Variants in CENPK observed in about 807,000 individuals in gnomAD.
CENPK encodes the protein centromere protein K.
In CENPK, 46 loss-of-function variants were observed where a neutral mutation model predicts 40.9. The observed-to-expected ratio is 1.13, with a 90% CI of 0.89 to 1.44. The LOEUF (loss-of-function observed/expected upper bound fraction) is 1.44, where lower values mean the gene tolerates loss of function less well. CENPK is among the 40% of genes most tolerant of loss of function. The pLI, the probability that CENPK is intolerant of heterozygous loss-of-function variation, is 0.00. For missense variants in CENPK, 288 were observed against 303.5 expected (o/e 0.95, Z 0.38); for synonymous variants, 107 against 104.4 (o/e 1.02, Z -0.15).
chr5:65,553,980 C>T (rs368245559), intron 3 of CENPK, among the ~76,000 whole-genome samples: 5 of 152,312 alleles, frequency 3.3e-5, no homozygotes, highest in African/African-American at 1.2e-4. Flanking sequence ...CTTCTCCAGT[C>T]TTACCCCAGA....
chr5:65,498,167 T>C, the CENPK span, among the ~76,000 whole-genome samples: 1 of 152,034 alleles, frequency 6.6e-6, no homozygotes, highest in African/African-American at 2.4e-5. Flanking sequence ...CTAGAAATAA[T>C]TTACTTTTAA....
chr5:65,562,418 T>TG (rs900358326), intron 1 of CENPK, among the ~76,000 whole-genome samples: 7 of 152,036 alleles, frequency 4.6e-5, no homozygotes, highest in Admixed American at 1.3e-4. Flanking sequence ...GTGCCTACTA[T>TG]GGGGGGGCAG....
chr5:65,538,311 T>C (rs1747329350), intron 6 of CENPK, among the ~76,000 whole-genome samples: 1 of 152,226 alleles, frequency 6.6e-6, no homozygotes, highest in African/African-American at 2.4e-5. Flanking sequence ...GATCCTTGTC[T>C]GGACATTCCT....
intron 4 of CENPK, among the ~76,000 whole-genome samples, 195 bp from the exon 5 acceptor site, chr5:65,551,831 A>G (rs576950664): frequency 5.3e-5 from 8 of 152,264 alleles, no homozygotes; most frequent in African/African-American, 1.9e-4. Flanking sequence ...CAGCAATTCC[A>G]TAATTCTGAT....
intron 6 of CENPK, among the ~76,000 whole-genome samples, chr5:65,540,137 T>C (rs1050076563): frequency 2.6e-5 from 4 of 152,228 alleles, no homozygotes; most frequent in Non-Finnish European, 4.4e-5. Flanking sequence ...ACAGTAGGGA[T>C]AGGCTGACAA....
chr5:65,552,856 AG>A (rs1742250742), intron 3 of CENPK, among the ~76,000 whole-genome samples: 1 of 152,148 alleles, frequency 6.6e-6, no homozygotes, highest in Non-Finnish European at 1.5e-5. Flanking sequence ...TAAGAGGGAA[AG>A]CACTATAGAA....
chr5:65,532,910 C>CAAAAAAAAAAAA (rs60713724), intron 6 of CENPK, among the ~76,000 whole-genome samples: 4 of 37,014 alleles, frequency 1.1e-4, no homozygotes, highest in African/African-American at 2.0e-4. Flanking sequence ...ACTCCATCTC[C>CAAAAAAAAAAAA]AAAAAAAAAA....
Position 65,554,783 on chromosome 5 carries a change from C to A in CENPK, c.111+14G>T. On this transcript the variant is annotated intron_variant, in intron 3 of 10. Coordinates refer to ENST00000396679, the MANE Select transcript of CENPK (RefSeq NM_022145.5). ...ATCTTATATTAACTATCACTTCTAT[C>A]TTTTGAAACTTACTTCTTCCATATC... The A allele has an allele frequency of 7.7e-7, 1 of 1,294,164 alleles. No homozygotes were observed. Among genetic ancestry groups the A allele is most frequent in the Non-Finnish European group, 1.1e-6 (1 of 891,516 alleles). 80.2% of individuals were successfully genotyped at this position (1,294,164 alleles called of 1,614,324 possible).
At chr5:65,498,171 C>CT in the CENPK span, among the ~76,000 whole-genome samples, 1 of 151,932 alleles carries the variant, frequency 6.6e-6, no homozygotes, top group South Asian at 2.1e-4. Context: ...AAATAATTTA[C>CT]TTTTAAAATA....
At chr5:65,519,455 G>T (rs185994782) in intron 10 of CENPK, among the ~76,000 whole-genome samples, 1 of 152,078 alleles carries the variant, frequency 6.6e-6, no homozygotes, top group African/African-American at 2.4e-5. Flanking sequence ...GCTATCTTCC[G>T]GTGCCTTCAC....
chr5:65,545,578 C>T (rs1748788308), intron 5 of CENPK, among the ~76,000 whole-genome samples: 2 of 152,066 alleles, frequency 1.3e-5, no homozygotes, highest in Admixed American at 1.3e-4. Flanking sequence ...AATTTGTCAC[C>T]AGCAGACCAA....
chr5:65,521,557 T>A (rs1415859377), intron 9 of CENPK, 29 bp from the exon 10 acceptor site: 1 of 1,429,862 alleles, frequency 7.0e-7, no homozygotes. Flanking sequence ...TAACAAACAA[T>A]TACCACTTCA....
In CENPK at chr5:65,551,646, A is replaced by G. The variant is rs774636507; in HGVS notation, c.169-10T>C. ...TAATTAACAATGATAGCTACAAAAGAAGAAAACAAAGTCATTTTCTGTGGA... is the reference window on the plus strand; with the variant it reads ...TAATTAACAATGATAGCTACAAAAGGAGAAAACAAAGTCATTTTCTGTGGA... On this transcript the variant is annotated splice_polypyrimidine_tract_variant and intron_variant, in intron 4 of 10. Coordinates refer to ENST00000396679, the MANE Select transcript of CENPK (RefSeq NM_022145.5). The G allele has an allele frequency of 2.7e-6, 4 of 1,468,130 alleles. No individual in the cohort carries two copies. Among genetic ancestry groups the G allele is most frequent in the Non-Finnish European group, 3.8e-6 (4 of 1,065,230 alleles). 90.9% of individuals were successfully genotyped at this position (1,468,130 alleles called of 1,614,324 possible).
At chr5:65,526,928 T>C (rs1035013814) in intron 9 of CENPK, among the ~76,000 whole-genome samples, 4 of 151,972 alleles carry the variant, frequency 2.6e-5, no homozygotes, top group Non-Finnish European at 2.9e-5. Flanking sequence ...CCCTGTCTAC[T>C]AGAAATACAA....
At chr5:65,498,459 AG>A in the CENPK span, among the ~76,000 whole-genome samples, 3 of 151,988 alleles carry the variant, frequency 2.0e-5, no homozygotes, top group Non-Finnish European at 4.4e-5. Flanking sequence ...ACCTTTCCCC[AG>A]TTACAATCGT....
At chr5:65,513,227 A>T (rs1742641009), downstream of CENPK, among the ~76,000 whole-genome samples, 1 of 152,208 alleles carries the variant, frequency 6.6e-6, no homozygotes, top group Admixed American at 6.5e-5. Flanking sequence ...GTAGCTAAAA[A>T]GTCATCGCCA....
At chr5:65,531,029 T>C (rs1304699904) in intron 6 of CENPK, among the ~76,000 whole-genome samples, 1 of 152,112 alleles carries the variant, frequency 6.6e-6, no homozygotes, top group African/African-American at 2.4e-5. Context: ...TGGTGACTCA[T>C]TCCTGTAATT....
chr5:65,554,559 G>A (rs1750674268), intron 3 of CENPK, among the ~76,000 whole-genome samples: 1 of 152,078 alleles, frequency 6.6e-6, no homozygotes, highest in African/African-American at 2.4e-5. Flanking sequence ...TATAATGGCT[G>A]TTGTTTCCAT....
At chr5:65,526,586 G>C (rs1744749909) in intron 9 of CENPK, among the ~76,000 whole-genome samples, 1 of 152,118 alleles carries the variant, frequency 6.6e-6, no homozygotes, top group South Asian at 2.1e-4. Flanking sequence ...TAAACACACC[G>C]AGTAGCTCAC....
Sources: allele counts gnomAD v4.1 joint callset (sites outside exome capture counted in the v4.1 genomes callset), GRCh38; gene constraint gnomAD v4.1.1; transcripts MANE v1.5; gene names NCBI Gene and HGNC (gene_info 2026-07-23, HGNC 2026-07-21).